Variants in FAM227B observed in about 807,000 individuals in gnomAD.
FAM227B encodes the protein protein FAM227B.
Under a neutral mutation model 73.8 loss-of-function variants are expected in FAM227B, and 88 were observed. That is an observed-to-expected ratio of 1.19 (90% CI 1.00 to 1.42). The LOEUF (loss-of-function observed/expected upper bound fraction) is 1.42. FAM227B is among the 40% of genes most tolerant of loss of function. The pLI, the probability that FAM227B is intolerant of heterozygous loss-of-function variation, is 0.00. For synonymous variants in FAM227B, 210 were observed against 190.5 expected, an observed-to-expected ratio of 1.10 and a Z score of -0.84; for missense variants, 632 against 590.9, an observed-to-expected ratio of 1.07 and a Z score of -0.72.
At chr15:49,445,165 G>A (rs1008519455) in intron 11 of FAM227B, among the ~76,000 whole-genome samples, 10 of 151,536 alleles carry the variant, frequency 6.6e-5, no homozygotes, top group African/African-American at 2.4e-4. Flanking sequence ...GTGTAGGTTT[G>A]TTACTTGGGT....
chr15:49,472,384 AAGTG>A (rs2054857347), intron 11 of FAM227B, among the ~76,000 whole-genome samples: 1 of 152,204 alleles, frequency 6.6e-6, no homozygotes, highest in Non-Finnish European at 1.5e-5. Context: ...AAGTGATTAA[AAGTG>A]AGCATAAAGG....
chr15:49,422,658 C>A (rs2049786709), intron 11 of FAM227B: 1 of 1,106,060 alleles, frequency 9.0e-7, no homozygotes, highest in African/African-American at 1.5e-5. Flanking sequence ...TGCCCGAAGT[C>A]ATACTGGTCA....
chr15:49,564,062 T>C (rs1049454691), intron 9 of FAM227B, among the ~76,000 whole-genome samples: 3 of 152,090 alleles, frequency 2.0e-5, no homozygotes, highest in Non-Finnish European at 4.4e-5. Context: ...ACCTACAGAA[T>C]AGGAGAAAAT....
At position 49,328,014 on chromosome 15, in the gene FAM227B, T is replaced by C. The variant is rs747078307; in HGVS notation, c.*554A>G. The stretch of plus-strand genomic sequence containing the variant: ...GGATGGGGAGGCTGCACAGTATCAA[T>C]GGTACCTGCGGACAAGCTGCCCAGC... On this transcript the variant is annotated 3_prime_UTR_variant, in exon 16 of 16. Transcript: ENST00000299338. 5.0e-6 allele frequency: 8 copies of C among 1,613,890 alleles called. No individual in the cohort carries two copies. Among genetic ancestry groups the C allele is most frequent in the South Asian group, 1.1e-5 (1 of 91,082 alleles).
rs2078652463 is a variant in FAM227B at position 49,620,696 on chromosome 15, T to A, written c.-73+4A>T. On this transcript the variant is annotated splice_donor_region_variant and intron_variant, in intron 1 of 15. Coordinates refer to ENST00000299338, the MANE Select transcript of FAM227B (RefSeq NM_152647.3). Reference sequence around the variant, plus strand: ...TCTGGGATCAACATTTCTTCACAACTCACTGCAACTACGCCTTGACAGTAT... The same window carrying A: ...TCTGGGATCAACATTTCTTCACAACACACTGCAACTACGCCTTGACAGTAT... 1 of 152,248 alleles carries A rather than the reference T, an allele frequency of 6.6e-6. No homozygotes were observed. Among genetic ancestry groups the A allele is most frequent in the African/African-American group, 2.4e-5 (1 of 41,468 alleles). 9.4% of individuals were successfully genotyped at this position (152,248 alleles called of 1,614,324 possible).
At chr15:49,561,224 C>A (rs889181810) in intron 9 of FAM227B, among the ~76,000 whole-genome samples, 19 of 152,082 alleles carry the variant, frequency 1.2e-4, no homozygotes, top group African/African-American at 4.1e-4. Flanking sequence ...AGTAGCTATT[C>A]TTATAAGATA....
intron 4 of FAM227B, among the ~76,000 whole-genome samples, chr15:49,589,542 TACACACACACACACAC>T (rs35391819): frequency 1.7e-3 from 231 of 139,820 alleles, no homozygotes; most frequent in African/African-American, 5.4e-3. Flanking sequence ...TTTATGAGAT[TACACACACACACACAC>T]ACACACACAC....
chr15:49,532,591 G>A (rs1484582349), intron 10 of FAM227B, among the ~76,000 whole-genome samples: 2 of 150,952 alleles, frequency 1.3e-5, no homozygotes, highest in East Asian at 3.9e-4. Context: ...TCAGAATAAC[G>A]CAAAAAGCAT....
chr15:49,402,913 G>C (rs923180676), intron 11 of FAM227B, among the ~76,000 whole-genome samples: 12 of 152,106 alleles, frequency 7.9e-5, no homozygotes, highest in African/African-American at 2.7e-4. Flanking sequence ...ATTGGCTGTG[G>C]GTCTGTCATA....
intron 3 of FAM227B, among the ~76,000 whole-genome samples, chr15:49,605,692 T>G (rs923168821): frequency 6.6e-6 from 1 of 151,770 alleles, no homozygotes; most frequent in Non-Finnish European, 1.5e-5. Flanking sequence ...GGAGTGGACC[T>G]GAAGTCTGAC....
intron 11 of FAM227B, among the ~76,000 whole-genome samples, chr15:49,478,758 T>C (rs575159911): frequency 6.6e-6 from 1 of 152,234 alleles, no homozygotes; most frequent in African/African-American, 2.4e-5. Context: ...CTTTAAATGT[T>C]TCAGGAAAAA....
chr15:49,492,028 A>T (rs1247851446), intron 11 of FAM227B, among the ~76,000 whole-genome samples: 1 of 151,860 alleles, frequency 6.6e-6, no homozygotes, highest in East Asian at 1.9e-4. Context: ...CAGTCTTGTC[A>T]TCATGCCTAC....
intron 10 of FAM227B, among the ~76,000 whole-genome samples, chr15:49,532,599 C>T (rs1209845248): frequency 1.3e-5 from 2 of 151,440 alleles, no homozygotes; most frequent in East Asian, 3.9e-4. Context: ...ACGCAAAAAG[C>T]ATCAAGTATG....
chr15:49,396,418 G>A (rs1010244763), intron 11 of FAM227B: 74 of 201,876 alleles, frequency 3.7e-4, no homozygotes, highest in African/African-American at 1.7e-3. Context: ...CGAGGCTGGG[G>A]GAGGGGCGCC....
intron 11 of FAM227B, among the ~76,000 whole-genome samples, chr15:49,494,723 A>G (rs2152069764): frequency 6.6e-6 from 1 of 152,296 alleles, no homozygotes; most frequent in African/African-American, 2.4e-5. Flanking sequence ...CATAAGTTCC[A>G]TAAGGAAAAG....
chr15:49,458,125 T>C lies in FAM227B; in HGVS notation c.1012+50086A>G, dbSNP rs548925792. Among the ~76,000 whole-genome samples, 12 of 152,028 alleles carry C rather than the reference T, an allele frequency of 7.9e-5. No homozygotes were observed. The East Asian group carries it at 1.4e-3, about 17-fold the overall frequency. On this transcript the variant is annotated intron_variant, in intron 11 of 15. Transcript: ENST00000299338. ...GAGGTAGGGCTTCAGCTTGATAAGATGGACAAGTGAAGGTATTTATAATCA... is the reference window on the plus strand; with the variant it reads ...GAGGTAGGGCTTCAGCTTGATAAGACGGACAAGTGAAGGTATTTATAATCA...
At position 49,559,963 on chromosome 15, in the gene FAM227B, C is replaced by T. The variant is rs117301503; in HGVS notation, c.747+8282G>A. The stretch of plus-strand genomic sequence containing the variant: ...TCTCGAAAAAAAAAAAATTCTGACA[C>T]CAAAAATACCTGAATGTTGCAACAC... On this transcript the variant is annotated intron_variant, in intron 9 of 15. Transcript: ENST00000299338. 8.3e-3 allele frequency among the ~76,000 whole-genome samples: 1,252 copies of T among 151,700 alleles called. 7 individuals carry two copies. Among genetic ancestry groups the T allele is most frequent in the Non-Finnish European group, 0.014 (945 of 67,910 alleles).
intron 10 of FAM227B, among the ~76,000 whole-genome samples, chr15:49,526,566 T>C (rs2060220493): frequency 1.3e-5 from 2 of 151,956 alleles, no homozygotes; most frequent in African/African-American, 4.8e-5. Context: ...GTGAATGTAA[T>C]TGAGATTAAG....
chr15:49,519,045 A>C lies in FAM227B; in HGVS notation c.875-10697T>G, dbSNP rs555692485. On this transcript the variant is annotated intron_variant, in intron 10 of 15. Coordinates refer to ENST00000299338, the MANE Select transcript of FAM227B (RefSeq NM_152647.3). The stretch of plus-strand genomic sequence containing the variant: ...CTGTTCCAAATGGGAGAAGTTGGCC[A>C]AAGTGAAGGGGCTACAGGCCCCATG... 1.1e-4 allele frequency among the ~76,000 whole-genome samples: 16 copies of C among 152,370 alleles called. No individual in the cohort carries two copies. In the East Asian group the frequency reaches 2.9e-3, roughly 28 times the overall value.
Sources: allele counts gnomAD v4.1 joint callset (sites outside exome capture counted in the v4.1 genomes callset), GRCh38; gene constraint gnomAD v4.1.1; transcripts MANE v1.5; gene names NCBI Gene and HGNC (gene_info 2026-07-23, HGNC 2026-07-21).